SMCHD1: variants seen among roughly 807,000 people sequenced by gnomAD.
The protein encoded by SMCHD1 is structural maintenance of chromosomes flexible hinge domain containing 1, also known as structural maintenance of chromosomes flexible hinge domain-containing protein 1.
A neutral mutation model predicts 254.7 loss-of-function variants in SMCHD1; 78 were observed. That is an observed-to-expected ratio of 0.31 (90% CI 0.26 to 0.37). The LOEUF is 0.37. SMCHD1 is among the 10% of genes least tolerant of loss of function. The pLI is 1.00. For missense variants in SMCHD1, 1,840 were observed against 2,408.1 expected (o/e 0.76, Z 4.94); for synonymous variants, 766 against 794.9 (o/e 0.96, Z 0.61).
intron 45 of SMCHD1, 150 bp downstream of exon 45, chr18:2,784,771 G>A: frequency 1.2e-6 from 1 of 854,084 alleles, no homozygotes; most frequent in Non-Finnish European, 1.9e-6. Flanking sequence ...ACTACTTTCA[G>A]CTTTTTTATA....
intron 5 of SMCHD1, among the ~76,000 whole-genome samples, chr18:2,679,206 G>A (rs1200462894): frequency 9.5e-5 from 14 of 147,846 alleles, no homozygotes; most frequent in Middle Eastern, 3.4e-3. Flanking sequence ...TGGGCCGGGC[G>A]CAGTGGCTCG....
At chr18:2,795,826 G>T in intron 45 of SMCHD1, 123 bp from the exon 46 acceptor site, 14 of 664,112 alleles carry the variant, frequency 2.1e-5, no homozygotes, top group South Asian at 1.4e-4. Context: ...ATGTTTTATG[G>T]CTTTAAAAGT....
chr18:2,657,945 G>T (rs932718942), intron 1 of SMCHD1, among the ~76,000 whole-genome samples: 1 of 151,344 alleles, frequency 6.6e-6, no homozygotes, highest in Non-Finnish European at 1.5e-5. Context: ...ACCATGCCCA[G>T]CTATGTTTTT....
intron 1 of SMCHD1, among the ~76,000 whole-genome samples, chr18:2,656,561 C>A (rs1331835169): frequency 1.3e-5 from 2 of 152,206 alleles, no homozygotes; most frequent in Non-Finnish European, 2.9e-5. Flanking sequence ...TGGCCCTGGG[C>A]GAGCTTAGCC....
At chr18:2,761,859 C>T (rs2075791696) in intron 35 of SMCHD1, among the ~76,000 whole-genome samples, 1 of 152,018 alleles carries the variant, frequency 6.6e-6, no homozygotes, top group Non-Finnish European at 1.5e-5. Flanking sequence ...TTTTTGATTA[C>T]CTATGTTTTT....
At chr18:2,713,936 T>G (rs1663092447) in intron 17 of SMCHD1, among the ~76,000 whole-genome samples, 1 of 152,224 alleles carries the variant, frequency 6.6e-6, no homozygotes, top group African/African-American at 2.4e-5. Context: ...ATGAGAAGAA[T>G]GTATATTCCG....
chr18:2,789,608 A>G (rs528409651), intron 45 of SMCHD1, among the ~76,000 whole-genome samples: 3 of 152,318 alleles, frequency 2.0e-5, no homozygotes, highest in African/African-American at 7.2e-5. Flanking sequence ...TGTGAAACCA[A>G]TACACATTCA....
chr18:2,666,285 A>G, intron 2 of SMCHD1, 53 bp downstream of exon 2: 1 of 821,190 alleles, frequency 1.2e-6, no homozygotes, highest in Non-Finnish European at 2.0e-6. Flanking sequence ...AAGGTTTAGT[A>G]CATATATAGC....
At chr18:2,659,409 C>A (rs535430373) in intron 1 of SMCHD1, among the ~76,000 whole-genome samples, 2 of 152,224 alleles carry the variant, frequency 1.3e-5, no homozygotes, top group African/African-American at 4.8e-5. Flanking sequence ...TGAGCCACCA[C>A]GCCCAGCTCT....
intron 42 of SMCHD1, among the ~76,000 whole-genome samples, chr18:2,776,621 TAGTC>T (rs2076070510): frequency 6.6e-6 from 1 of 152,206 alleles, no homozygotes; most frequent in Non-Finnish European, 1.5e-5. Context: ...GAGTATTTAT[TAGTC>T]AGTATTTTCT....
intron 45 of SMCHD1, among the ~76,000 whole-genome samples, chr18:2,789,494 A>G (rs936924002): frequency 1.4e-5 from 2 of 138,030 alleles, no homozygotes; most frequent in Non-Finnish European, 3.1e-5. Flanking sequence ...TGGAATGAAA[A>G]GAAAAAAGTG....
At chr18:2,673,029 T>C in intron 3 of SMCHD1, 1 of 982,216 alleles carries the variant, frequency 1.0e-6, no homozygotes, top group Non-Finnish European at 1.2e-6. Flanking sequence ...TATAAACTCC[T>C]TGAAGCCAGG....
At chr18:2,784,713 A>G in intron 45 of SMCHD1, 92 bp downstream of exon 45, 1 of 1,339,930 alleles carries the variant, frequency 7.5e-7, no homozygotes, top group South Asian at 1.4e-5. Flanking sequence ...AACATGAAAA[A>G]TTAACAAATG....
Position 2,655,972 on chromosome 18 carries a change from C to G in SMCHD1, c.-104C>G, listed in dbSNP as rs1011304974. ...GCTGCAGCGCGCCGGGCCGAGGCCT[C>G]GAGCCGCCCCGGGAGCTGGAGCTGA... On this transcript the variant is annotated 5_prime_UTR_variant, in exon 1 of 48. Coordinates refer to ENST00000320876, the MANE Select transcript of SMCHD1 (RefSeq NM_015295.3). 3.4e-5 allele frequency: 34 copies of G among 1,006,874 alleles called. No homozygotes were observed. The highest frequency in any genetic ancestry group is 9.7e-5 in the South Asian group (2 of 20,690). 62.4% of individuals were successfully genotyped at this position (1,006,874 alleles called of 1,614,324 possible). A position where few individuals can be genotyped will look rare whatever the true frequency, so the allele number is the denominator to read the frequency against.
At chr18:2,678,274 CCT>C (rs1303068607) in intron 5 of SMCHD1, among the ~76,000 whole-genome samples, 1 of 96,758 alleles carries the variant, frequency 1.0e-5, no homozygotes, top group Non-Finnish European at 1.9e-5. Context: ...TCTCTCTCTC[CCT>C]CTCTCTCTTT....
intron 27 of SMCHD1, among the ~76,000 whole-genome samples, chr18:2,740,325 C>T (rs2347809): frequency 0.2 from 30,903 of 151,978 alleles, 3,378 homozygotes; most frequent in South Asian, 0.33. Flanking sequence ...TCTTTATCTA[C>T]TCTATCACTG....
chr18:2,737,396 G>C (rs1453639329), intron 25 of SMCHD1, among the ~76,000 whole-genome samples: 1 of 152,092 alleles, frequency 6.6e-6, no homozygotes, highest in Non-Finnish European at 1.5e-5. Context: ...AAAATAAAGT[G>C]TAATTTAGAA....
intron 1 of SMCHD1, among the ~76,000 whole-genome samples, chr18:2,659,812 A>G (rs149878875): frequency 1.4e-4 from 22 of 151,826 alleles, no homozygotes; most frequent in African/African-American, 2.7e-4. Flanking sequence ...CAAGTGCCAT[A>G]GTAAGGTAAC....
At chr18:2,767,549 A>T (rs992344799) in intron 37 of SMCHD1, among the ~76,000 whole-genome samples, 2 of 149,204 alleles carry the variant, frequency 1.3e-5, no homozygotes, top group Non-Finnish European at 3.0e-5. Flanking sequence ...GATATAGCCT[A>T]CTATACACCT....
Sources: gnomAD v4.1 joint callset for allele counts (sites outside exome capture counted in the v4.1 genomes callset) on GRCh38, gnomAD v4.1.1 for gene constraint, MANE v1.5 for transcripts, NCBI Gene and HGNC (gene_info 2026-07-23, HGNC 2026-07-21) for gene names.